Variants in BDNF observed in about 807,000 individuals in gnomAD.
BDNF encodes the protein neurotrophic factor BDNF precursor form.
BDNF carries 1 observed loss-of-function variant against 19.5 expected under a neutral mutation model. The observed-to-expected ratio is 0.05, with a 90% CI of 0.02 to 0.24. BDNF has a LOEUF of 0.24. Ranked by LOEUF, BDNF falls within the 10% of genes least tolerant of loss-of-function variation. The pLI is 1.00. For missense variants in BDNF, 195 were observed against 317.6 expected (o/e 0.61, Z 2.93); for synonymous variants, 100 against 121.6 (o/e 0.82, Z 1.17).
At chr11:27,689,937 C>G (rs937783332) in intron 1 of BDNF, among the ~76,000 whole-genome samples, 5 of 152,076 alleles carry the variant, frequency 3.3e-5, no homozygotes, top group African/African-American at 1.2e-4. Flanking sequence ...CATGTGTTCT[C>G]TCTGTTCAGC....
chr11:27,699,681 A>C, intron 1 of BDNF: 1 of 1,412,202 alleles, frequency 7.1e-7, no homozygotes, highest in South Asian at 1.6e-5. Flanking sequence ...GCTCCGGGGA[A>C]GGGATGCGGG....
At position 27,673,917 on chromosome 11, in the gene BDNF, A is replaced by G. The variant is rs11030108; in HGVS notation, c.-21-15332T>C. 690,327 of 976,550 alleles carry G rather than the reference A, an allele frequency of 0.71. 246,903 individuals are homozygous for G. Among genetic ancestry groups the G allele is most frequent in the East Asian group, 0.96 (36,503 of 37,896 alleles). The allele number at this position is 976,550 out of a possible 1,614,324, so 60.5% of individuals were successfully genotyped here. A position where few individuals can be genotyped will look rare whatever the true frequency, so the allele number is the denominator to read the frequency against. Reference sequence around the variant, plus strand: ...CATTAAATTTAAAAAAACAAGAGAGATGAAAACAGGTGATGGAAGAAACTG... The same window carrying G: ...CATTAAATTTAAAAAAACAAGAGAGGTGAAAACAGGTGATGGAAGAAACTG... On this transcript the variant is annotated intron_variant, in intron 1 of 1. Transcript: ENST00000356660.
chr11:27,716,894 A>G (rs1860535174), intron 1 of BDNF, among the ~76,000 whole-genome samples: 1 of 152,212 alleles, frequency 6.6e-6, no homozygotes, highest in African/African-American at 2.4e-5. Context: ...AAATTACAGA[A>G]TTACAAAATA....
chr11:27,672,413 C>A (rs1855514434), intron 1 of BDNF, among the ~76,000 whole-genome samples: 3 of 152,132 alleles, frequency 2.0e-5, no homozygotes, highest in Admixed American at 2.0e-4. Flanking sequence ...TTGCTTTCAG[C>A]CAGATGTCTC....
At chr11:27,659,309 C>G in intron 1 of BDNF, 1 of 999,642 alleles carries the variant, frequency 1.0e-6, no homozygotes, top group Non-Finnish European at 1.2e-6. Flanking sequence ...CCCAATTCCA[C>G]TGTTCTTTAT....
chr11:27,707,613 G>GAT (rs1860161190), intron 1 of BDNF, among the ~76,000 whole-genome samples: 1 of 152,196 alleles, frequency 6.6e-6, no homozygotes, highest in South Asian at 2.1e-4. Context: ...AGTCTAGTTG[G>GAT]ATATAGGAAA....
chr11:27,709,768 T>G (rs1192859646), intron 1 of BDNF, among the ~76,000 whole-genome samples: 2 of 152,204 alleles, frequency 1.3e-5, no homozygotes, highest in Non-Finnish European at 2.9e-5. Context: ...ACTGTGCACC[T>G]CAGTTGCCCA....
Position 27,700,416 on chromosome 11 carries a change from G to T in BDNF, c.-274C>A. 1.0e-6 allele frequency: 1 copy of T among 985,488 alleles called. No homozygotes were observed. The allele number at this position is 985,488 out of a possible 1,614,324, so 61.0% of individuals were successfully genotyped here. A position where few individuals can be genotyped will look rare whatever the true frequency, so the allele number is the denominator to read the frequency against. Reference sequence around the variant, plus strand: ...AGCGAGCGGGCGGGTGCGCCCGGGCGCGGCGGCGGCAGCGTCGGGGACCCG... The same window carrying T: ...AGCGAGCGGGCGGGTGCGCCCGGGCTCGGCGGCGGCAGCGTCGGGGACCCG... On this transcript the variant is annotated 5_prime_UTR_variant, in exon 1 of 2. Coordinates refer to ENST00000356660, the MANE Select transcript of BDNF (RefSeq NM_001709.5).
At chr11:27,708,825 CTTTT>C (rs67977614) in intron 1 of BDNF, among the ~76,000 whole-genome samples, 1 of 112,432 alleles carries the variant, frequency 8.9e-6, no homozygotes. Flanking sequence ...TAGAATTCCT[CTTTT>C]TTTTTTTTTT....
At chr11:27,699,823 GTCTC>G (rs1439435666) in intron 1 of BDNF, among the ~76,000 whole-genome samples, 2 of 152,248 alleles carry the variant, frequency 1.3e-5, no homozygotes, top group Admixed American at 1.3e-4. Context: ...GGCCCCCTAA[GTCTC>G]TCTCGACTAC....
intron 1 of BDNF, among the ~76,000 whole-genome samples, chr11:27,665,096 G>A (rs1284864317): frequency 6.6e-6 from 1 of 152,148 alleles, no homozygotes; most frequent in African/African-American, 2.4e-5. Context: ...TTAGAATTCT[G>A]TTTTCTTTAG....
chr11:27,681,368 A>G lies in BDNF; in HGVS notation c.-22+18796T>C, dbSNP rs34043390. Among the ~76,000 whole-genome samples, 1,193 of 152,306 alleles carry G rather than the reference A, an allele frequency of 7.8e-3. 18 individuals carry two copies. The highest frequency in any genetic ancestry group is 0.01 in the Non-Finnish European group (690 of 68,024). The stretch of plus-strand genomic sequence containing the variant: ...GAACATTTTTCTAGACAAAAACATC[A>G]TATCTACAACTTCCAGCCTAGAATC... On this transcript the variant is annotated intron_variant, in intron 1 of 1. Transcript: ENST00000356660.
intron 1 of BDNF, among the ~76,000 whole-genome samples, chr11:27,668,458 C>G (rs1854749024): frequency 6.6e-6 from 1 of 152,004 alleles, no homozygotes; most frequent in Non-Finnish European, 1.5e-5. Flanking sequence ...TTCAAAAAAT[C>G]AATGAACCCA....
chr11:27,673,781 C>T (rs370295748), intron 1 of BDNF, among the ~76,000 whole-genome samples: 8 of 152,152 alleles, frequency 5.3e-5, no homozygotes, highest in East Asian at 1.9e-4. Flanking sequence ...ACCAAACTGC[C>T]GGGCTTCAAT....
In BDNF at chr11:27,713,178, C is replaced by T. The variant is rs571019765; in HGVS notation, c.3+8234G>A. 2.2e-4 allele frequency among the ~76,000 whole-genome samples: 33 copies of T among 152,224 alleles called. No individual in the cohort carries two copies. The East Asian group carries it at 6.2e-3, about 29-fold the overall frequency. On this transcript the variant is annotated intron_variant, in intron 1 of 1. Coordinates refer to the BDNF transcript ENST00000314915. Reference sequence around the variant, plus strand: ...CCTCCCAAAGTGTTGGGATTACAGGCGTTAGCCACCACACTGGGCATCAGA... The same window carrying T: ...CCTCCCAAAGTGTTGGGATTACAGGTGTTAGCCACCACACTGGGCATCAGA...
intron 1 of BDNF, chr11:27,720,245 C>G: frequency 2.4e-6 from 2 of 841,676 alleles, no homozygotes; most frequent in Non-Finnish European, 1.4e-6. Context: ...CTCTCATGCT[C>G]TCCCTCTACC....
At chr11:27,699,284 T>C in intron 1 of BDNF, 1 of 1,494,052 alleles carries the variant, frequency 6.7e-7, no homozygotes, top group Non-Finnish European at 9.2e-7. Flanking sequence ...GGCTTCTTCC[T>C]TAGGGATGCC....
chr11:27,681,484 CAGAT>C (rs1564968575), intron 1 of BDNF, among the ~76,000 whole-genome samples: 1 of 152,080 alleles, frequency 6.6e-6, no homozygotes, highest in Admixed American at 6.6e-5. Flanking sequence ...CCTAGGAACT[CAGAT>C]AGGGCAGGTT....
chr11:27,712,272 C>G lies in BDNF; in HGVS notation c.3+9140G>C, dbSNP rs1860356718. Among the ~76,000 whole-genome samples, 4 of 152,284 alleles carry G rather than the reference C, an allele frequency of 2.6e-5. No homozygotes were observed. The South Asian group carries it at 8.3e-4, about 32-fold the overall frequency. The stretch of plus-strand genomic sequence containing the variant: ...AATGTTACACAGTAGTACTTGCATG[C>G]TTTCTCACCAGTATACATCACAGAC... On this transcript the variant is annotated intron_variant, in intron 1 of 1. Transcript: ENST00000314915.
Sources: gnomAD v4.1 joint callset for allele counts (sites outside exome capture counted in the v4.1 genomes callset) on GRCh38, gnomAD v4.1.1 for gene constraint, MANE v1.5 for transcripts, NCBI Gene and HGNC (gene_info 2026-07-23, HGNC 2026-07-21) for gene names.